Variants in GANC observed in about 807,000 individuals in gnomAD.
The protein encoded by GANC is glucosidase alpha, neutral C.
A neutral mutation model predicts 124.2 loss-of-function variants in GANC; 117 were observed. That is an observed-to-expected ratio of 0.94 (90% CI 0.81 to 1.10). GANC has a LOEUF of 1.10. GANC is among the 50% of genes least tolerant of loss of function. The probability of loss-of-function intolerance (pLI) is 0.00; values close to 1 mark genes in which losing one functional copy is unlikely to be tolerated. For missense variants in GANC, 1,140 were observed against 1,095.0 expected, an observed-to-expected ratio of 1.04 and a Z score of -0.58; for synonymous variants, 377 against 376.8, an observed-to-expected ratio of 1.00 and a Z score of -0.01.
chr15:42,283,838 C>CA (rs1262719258), intron 3 of GANC: 7 of 702,602 alleles, frequency 1.0e-5, no homozygotes, highest in Non-Finnish European at 1.6e-5. Flanking sequence ...AATTTGGGAA[C>CA]TGGCCAGACA....
chr15:42,337,066 G>A (rs1315930867), intron 15 of GANC, among the ~76,000 whole-genome samples: 4 of 152,192 alleles, frequency 2.6e-5, no homozygotes, highest in Admixed American at 6.5e-5. Flanking sequence ...ATTGTGGAAA[G>A]CAATGTGGTG....
intron 10 of GANC, among the ~76,000 whole-genome samples, chr15:42,315,405 T>C (rs189596075): frequency 6.9e-4 from 105 of 152,290 alleles, no homozygotes; most frequent in African/African-American, 2.5e-3. Flanking sequence ...CTCAGCATTG[T>C]TAGTCATTAG....
intron 20 of GANC, among the ~76,000 whole-genome samples, chr15:42,346,295 A>G (rs911609262): frequency 1.3e-5 from 2 of 152,178 alleles, no homozygotes; most frequent in South Asian, 4.1e-4. Context: ...GTTCTGCACA[A>G]TAGCACATAT....
chr15:42,296,695 C>T (rs758731131), intron 5 of GANC, among the ~76,000 whole-genome samples: 2 of 152,002 alleles, frequency 1.3e-5, no homozygotes, highest in Non-Finnish European at 2.9e-5. Context: ...ACCCAGACTC[C>T]TTGGGGTTTT....
chr15:42,351,494 A>C, intron 23 of GANC, 62 bp downstream of exon 23: 2 of 1,166,416 alleles, frequency 1.7e-6, no homozygotes, highest in Non-Finnish European at 2.6e-6. Flanking sequence ...ATCTGCAGTG[A>C]GATGATTAGT....
At chr15:42,312,124 A>G (rs969222452) in intron 10 of GANC, among the ~76,000 whole-genome samples, 2 of 152,242 alleles carry the variant, frequency 1.3e-5, no homozygotes, top group African/African-American at 4.8e-5. Flanking sequence ...ATTCACTGCA[A>G]TCCCTATCAA....
At chr15:42,311,653 A>G (rs549853837) in intron 10 of GANC, among the ~76,000 whole-genome samples, 51 of 152,284 alleles carry the variant, frequency 3.3e-4, no homozygotes, top group African/African-American at 1.2e-3. Flanking sequence ...AGCAGGAGGA[A>G]TAAAGAGAGG....
intron 20 of GANC, among the ~76,000 whole-genome samples, chr15:42,347,550 G>A (rs141788088): frequency 3.2e-4 from 49 of 152,234 alleles, no homozygotes; most frequent in Admixed American, 9.8e-4. Context: ...CCTCAGAATT[G>A]AGTCAGTCAT....
chr15:42,353,214 T>G lies in GANC; in HGVS notation c.*1075T>G. 1.0e-6 allele frequency: 1 copy of G among 986,022 alleles called. No individual in the cohort carries two copies. Among genetic ancestry groups the G allele is most frequent in the Middle Eastern group, 5.2e-4 (1 of 1,914 alleles). 61.1% of individuals were successfully genotyped at this position (986,022 alleles called of 1,614,324 possible). A position where few individuals can be genotyped will look rare whatever the true frequency, so the allele number is the denominator to read the frequency against. On this transcript the variant is annotated 3_prime_UTR_variant, in exon 24 of 24. Coordinates refer to ENST00000318010, the MANE Select transcript of GANC (RefSeq NM_198141.3). Reference sequence around the variant, plus strand: ...CTGCTGCCTGCCACAGCATCTGTTTTAGCAGCCTCGACTCCTCAGCACTCC... The same window carrying G: ...CTGCTGCCTGCCACAGCATCTGTTTGAGCAGCCTCGACTCCTCAGCACTCC...
At chr15:42,338,582 G>A in intron 16 of GANC, 92 bp downstream of exon 16, 2 of 872,614 alleles carry the variant, frequency 2.3e-6, no homozygotes, top group South Asian at 1.4e-5. Flanking sequence ...CTCATTAGCT[G>A]TTGTGGGCAG....
intron 14 of GANC, among the ~76,000 whole-genome samples, chr15:42,329,806 G>GT (rs2052228175): frequency 1.3e-5 from 2 of 152,140 alleles, no homozygotes; most frequent in Admixed American, 1.3e-4. Context: ...TAAAACAAGT[G>GT]TTTTAAGATT....
At position 42,353,390 on chromosome 15, in the gene GANC, T is replaced by C; in HGVS notation, c.*1251T>C. ...ATCCCACTTTCCCATGAAGCCTAAC[T>C]GCGTGAACACCCCTACCCCCATACC... On this transcript the variant is annotated 3_prime_UTR_variant, in exon 24 of 24. Transcript: ENST00000318010. 1.0e-6 allele frequency: 1 copy of C among 981,656 alleles called. No individual in the cohort carries two copies. The highest frequency in any genetic ancestry group is 1.2e-6 in the Non-Finnish European group (1 of 826,098). The allele number at this position is 981,656 out of a possible 1,614,324, so 60.8% of individuals were successfully genotyped here. A position where few individuals can be genotyped will look rare whatever the true frequency, so the allele number is the denominator to read the frequency against.
chr15:42,342,697 TC>T (rs2052336329), intron 18 of GANC, among the ~76,000 whole-genome samples: 1 of 152,126 alleles, frequency 6.6e-6, no homozygotes, highest in Non-Finnish European at 1.5e-5. Flanking sequence ...AGTTGTGGGC[TC>T]CCCATCTTCA....
chr15:42,322,372 A>G (rs1278235225), intron 11 of GANC, among the ~76,000 whole-genome samples: 2 of 152,198 alleles, frequency 1.3e-5, no homozygotes, highest in African/African-American at 2.4e-5. Flanking sequence ...TAAAAAGTTT[A>G]TTACTCATAT....
intron 14 of GANC, among the ~76,000 whole-genome samples, chr15:42,330,165 T>G (rs1015749015): frequency 6.6e-6 from 1 of 152,220 alleles, no homozygotes; most frequent in Non-Finnish European, 1.5e-5. Flanking sequence ...TTGCAGTAAC[T>G]GTAGACTGCT....
In GANC at chr15:42,278,504, A is replaced by G. The variant is rs199733976; in HGVS notation, c.115A>G (p.Lys39Glu). 3.3e-4 allele frequency: 538 copies of G among 1,610,760 alleles called. No individual in the cohort carries two copies. Among genetic ancestry groups the G allele is most frequent in the Admixed American group, 4.0e-4 (24 of 59,372 alleles). Residue 39 changes from lysine to glutamate, a missense_variant, in exon 3 of 24, where the codon AAG becomes GAG. Lys to Glu is a moderately conservative substitution (Grantham distance 56). Coordinates refer to ENST00000318010, the MANE Select transcript of GANC (RefSeq NM_198141.3). ...TAGGCGTCAGAAACAGTGGCTTTCC[A>G]AGAAGTCCACCTATCAGGCATTATT... ...FYRRQKQWLS[K>E]KSTYQALLDS...
chr15:42,336,139 AAAAAAAAAAAG>A (rs1003399013), intron 15 of GANC, among the ~76,000 whole-genome samples: 3 of 82,258 alleles, frequency 3.6e-5, no homozygotes, highest in Non-Finnish European at 6.0e-5. Flanking sequence ...TATTGAACCA[AAAAAAAAAAAG>A]AAAAAAAAAA....
At chr15:42,276,846 C>T (rs1339506971) in intron 2 of GANC, among the ~76,000 whole-genome samples, 1 of 151,468 alleles carries the variant, frequency 6.6e-6, no homozygotes, top group Non-Finnish European at 1.5e-5. Context: ...TATTGCTTTT[C>T]TCTTTTTTTA....
intron 15 of GANC, among the ~76,000 whole-genome samples, chr15:42,337,140 C>T (rs1179468365): frequency 6.6e-6 from 1 of 152,166 alleles, no homozygotes; most frequent in Admixed American, 6.5e-5. Flanking sequence ...TAGGTATATA[C>T]CCAAAGGAAT....
Sources: gnomAD v4.1 joint callset for allele counts (sites outside exome capture counted in the v4.1 genomes callset) on GRCh38, gnomAD v4.1.1 for gene constraint, MANE v1.5 for transcripts, NCBI Gene and HGNC (gene_info 2026-07-23, HGNC 2026-07-21) for gene names.